CAPS2: variants seen among roughly 807,000 people sequenced by gnomAD.
CAPS2 encodes calcyphosine 2.
In CAPS2, 98 loss-of-function variants were observed where a neutral mutation model predicts 86.5. That is an observed-to-expected ratio of 1.13 (90% CI 0.96 to 1.34). The LOEUF (loss-of-function observed/expected upper bound fraction) is 1.34, where lower values mean the gene tolerates loss of function less well. Among genes scored for constraint, CAPS2 ranks in the 40% most tolerant of loss-of-function variants. The pLI is 0.00. For missense variants in CAPS2, 729 were observed against 686.8 expected, an observed-to-expected ratio of 1.06 and a Z score of -0.69; for synonymous variants, 210 against 225.1, an observed-to-expected ratio of 0.93 and a Z score of 0.60.
intron 13 of CAPS2, among the ~76,000 whole-genome samples, chr12:75,290,718 C>A (rs2035684274): frequency 6.6e-6 from 1 of 151,912 alleles, no homozygotes; most frequent in South Asian, 2.1e-4. Context: ...AAGTTCCAGA[C>A]CAGCCTGGAG....
At chr12:75,298,458 G>A (rs908082768) in intron 11 of CAPS2, 4 of 489,170 alleles carry the variant, frequency 8.2e-6, no homozygotes, top group Non-Finnish European at 1.5e-5. Context: ...GAATGGGAAG[G>A]GGGGTGTTAC....
intron 1 of CAPS2, among the ~76,000 whole-genome samples, chr12:75,365,973 TATA>T (rs542793562): frequency 9.9e-4 from 151 of 152,284 alleles, no homozygotes; most frequent in African/African-American, 3.5e-3. Context: ...TTTGACACCT[TATA>T]ATATTTGCCA....
At chr12:75,276,219 C>G (rs950718579), downstream of CAPS2, 21 of 1,541,730 alleles carry the variant, frequency 1.4e-5, no homozygotes, top group Admixed American at 1.0e-4. Context: ...TTTTTTTAAG[C>G]ATTTTCATGT....
intron 7 of CAPS2, chr12:75,305,396 C>T: frequency 4.9e-6 from 2 of 404,774 alleles, no homozygotes; most frequent in Non-Finnish European, 4.6e-6. Context: ...GGAGGGAGGG[C>T]AGACTCAAAG....
At chr12:75,343,273 T>C (rs1317371801) in intron 1 of CAPS2, among the ~76,000 whole-genome samples, 2 of 152,058 alleles carry the variant, frequency 1.3e-5, no homozygotes, top group Non-Finnish European at 2.9e-5. Context: ...TGTTTGTAGA[T>C]TATCTTTATC....
intron 11 of CAPS2, among the ~76,000 whole-genome samples, chr12:75,295,811 A>AC (rs2036779381): frequency 6.6e-6 from 1 of 152,174 alleles, no homozygotes; most frequent in Non-Finnish European, 1.5e-5. Context: ...TCAGATTTGG[A>AC]CTCTTTCAGT....
upstream of CAPS2, chr12:75,329,940 G>C (rs752764789): frequency 1.1e-5 from 14 of 1,281,482 alleles, no homozygotes; most frequent in Non-Finnish European, 1.5e-5. Flanking sequence ...AACAAGCTCG[G>C]TAAGAAGAGG....
intron 14 of CAPS2, among the ~76,000 whole-genome samples, chr12:75,286,251 A>T (rs368335093): frequency 7.7e-4 from 117 of 152,106 alleles, no homozygotes; most frequent in Middle Eastern, 3.4e-3. Flanking sequence ...CCTTCCCTCA[A>T]TTCTCAACAA....
At chr12:75,378,414 G>C (rs751265839) in intron 1 of CAPS2, among the ~76,000 whole-genome samples, 2 of 152,162 alleles carry the variant, frequency 1.3e-5, no homozygotes, top group Non-Finnish European at 2.9e-5. Flanking sequence ...GGGAGAGGGA[G>C]AAGGAGAGAA....
At chr12:75,340,662 G>T (rs923611519) in intron 1 of CAPS2, among the ~76,000 whole-genome samples, 5 of 148,578 alleles carry the variant, frequency 3.4e-5, no homozygotes, top group African/African-American at 1.2e-4. Flanking sequence ...CAAACTAGGA[G>T]AAAATATATT....
chr12:75,330,443 T>C (rs2041206388), upstream of CAPS2, among the ~76,000 whole-genome samples: 1 of 152,264 alleles, frequency 6.6e-6, no homozygotes, highest in Non-Finnish European at 1.5e-5. Context: ...GTGTAATTCT[T>C]TGTCTAATTG....
chr12:75,306,417 T>C (rs1386583679), intron 7 of CAPS2: 3 of 361,554 alleles, frequency 8.3e-6, no homozygotes. Flanking sequence ...TGTGGAAGGG[T>C]GGGGGTGGGT....
chr12:75,299,802 C>T, intron 9 of CAPS2, 35 bp downstream of exon 9: 1 of 1,025,028 alleles, frequency 9.8e-7, no homozygotes, highest in Non-Finnish European at 1.5e-6. Context: ...TTTTTATAAT[C>T]ATAGGATTAA....
chr12:75,386,018 T>G (rs2045272785), intron 1 of CAPS2, among the ~76,000 whole-genome samples: 1 of 152,212 alleles, frequency 6.6e-6, no homozygotes, highest in Admixed American at 6.5e-5. Flanking sequence ...TTCTATTTCC[T>G]TGTTCATAAA....
intron 8 of CAPS2, among the ~76,000 whole-genome samples, chr12:75,302,662 A>C (rs1435762397): frequency 6.6e-6 from 1 of 152,232 alleles, no homozygotes; most frequent in Non-Finnish European, 1.5e-5. Context: ...AAAAGGATTC[A>C]TTTCTAAAAC....
chr12:75,334,394 GT>G, upstream of CAPS2: 1 of 892,506 alleles, frequency 1.1e-6, no homozygotes, highest in Non-Finnish European at 1.4e-6. Flanking sequence ...CCTAACTTGT[GT>G]GGCTTGCATA....
At chr12:75,303,788 G>A (rs2038108948) in intron 8 of CAPS2, among the ~76,000 whole-genome samples, 1 of 152,156 alleles carries the variant, frequency 6.6e-6, no homozygotes, top group Non-Finnish European at 1.5e-5. Flanking sequence ...GATTATCTGG[G>A]TAGATTCAAC....
At chr12:75,316,468 A>G (rs1211489520) in intron 5 of CAPS2, 34 bp from the exon 6 acceptor site, 2 of 1,495,092 alleles carry the variant, frequency 1.3e-6, no homozygotes, top group Middle Eastern at 1.7e-4. Context: ...AGCATCATAC[A>G]CATATTTAGA....
At chr12:75,336,555 G>A (rs548567558) in intron 1 of CAPS2, among the ~76,000 whole-genome samples, 25 of 151,618 alleles carry the variant, frequency 1.6e-4, no homozygotes, top group African/African-American at 5.3e-4. Context: ...AGAACTACCA[G>A]AAATAAAAGG....
Sources: allele counts gnomAD v4.1 joint callset (sites outside exome capture counted in the v4.1 genomes callset), GRCh38; gene constraint gnomAD v4.1.1; transcripts MANE v1.5; gene names NCBI Gene and HGNC (gene_info 2026-07-23, HGNC 2026-07-21).